FEZ2: variants seen among roughly 807,000 people sequenced by gnomAD.
FEZ2 encodes the protein fasciculation and elongation protein zeta-2.
In FEZ2, 51 loss-of-function variants were observed where a neutral mutation model predicts 40.4. That is an observed-to-expected ratio of 1.26 (90% CI 1.01 to 1.59). The LOEUF (loss-of-function observed/expected upper bound fraction) is 1.59. Ranked by LOEUF, FEZ2 falls within the 40% of genes most tolerant of loss-of-function variation. The pLI is 0.00. For missense variants in FEZ2, 640 were observed against 438.3 expected, an observed-to-expected ratio of 1.46 and a Z score of -4.11; for synonymous variants, 242 against 172.0, an observed-to-expected ratio of 1.41 and a Z score of -3.18.
At chr2:36,580,071 C>A (rs946595022) in intron 4 of FEZ2, among the ~76,000 whole-genome samples, 10 of 152,178 alleles carry the variant, frequency 6.6e-5, no homozygotes, top group African/African-American at 1.9e-4. Context: ...ACCAAACCTG[C>A]CAACACCTTC....
chr2:36,567,899 T>A (rs1573008441), intron 5 of FEZ2, among the ~76,000 whole-genome samples: 1 of 152,186 alleles, frequency 6.6e-6, no homozygotes, highest in Middle Eastern at 3.2e-3. Flanking sequence ...ACGAGCTGTG[T>A]AGAGCATACT....
In FEZ2 at chr2:36,597,907, A is replaced by C. The variant is rs974615055; in HGVS notation, c.236T>G (p.Ile79Ser). 2.1e-6 allele frequency: 3 copies of C among 1,409,070 alleles called. No individual in the cohort carries two copies. Among genetic ancestry groups the C allele is most frequent in the East Asian group, 6.1e-5 (2 of 32,954 alleles). 87.3% of individuals were successfully genotyped at this position (1,409,070 alleles called of 1,614,324 possible). The change falls in exon 1 of 8, where the codon ATC (isoleucine) becomes AGC (serine). Residue 79 changes from isoleucine (I) to serine (S), a missense_variant. Physicochemically the swap from Ile to Ser is moderately radical, Grantham distance 142. Transcript: ENST00000405912. ...AEPPRTAVRP[I>S]TERSLLQGDE... is the part of the protein sequence containing the mutation. The stretch of plus-strand genomic sequence containing the variant: ...CCCCTGCAGGAGGCTGCGCTCCGTG[A>C]TGGGCCGCACGGCCGTCCTCGGGGG...
rs201880256 is a variant in FEZ2, at chr2:36,558,473, G to C, written c.944C>G (p.Pro315Arg). The change falls in exon 6 of 8, where the codon CCA (proline) becomes CGA (arginine). Residue 315 changes from proline to arginine, a missense_variant. Coordinates refer to ENST00000405912, the MANE Select transcript of FEZ2 (RefSeq NM_005102.3). ...TVIPYEKKNG[P>R]PSVEDLQILT... ...TATTTGAAGATCTTCAACAGACGGT[G>C]GTCCGTTTTTTTTCTCATAAGGAAT... 1,588 of 1,524,238 alleles carry C rather than the reference G, an allele frequency of 1.0e-3. 1 individual carries two copies. Among genetic ancestry groups the C allele is most frequent in the Non-Finnish European group, 1.3e-3 (1,433 of 1,131,870 alleles). The allele number at this position is 1,524,238 out of a possible 1,614,324, so 94.4% of individuals were successfully genotyped here. A position where few individuals can be genotyped will look rare whatever the true frequency, so the allele number is the denominator to read the frequency against.
In FEZ2 at chr2:36,555,707, A is replaced by G; in HGVS notation, c.1021T>C (p.Leu341=). 2 of 1,598,382 alleles carry G rather than the reference A, an allele frequency of 1.3e-6. No individual in the cohort carries two copies. Among genetic ancestry groups the G allele is most frequent in the South Asian group, 1.1e-5 (1 of 88,516 alleles). The change falls in exon 7 of 8, where the codon TTG becomes CTG. Residue 341 remains leucine (L), a synonymous_variant. Transcript: ENST00000405912. ...CCTTTCAGAATATAATCAGTTAACAAGCTCGGAACTTTTTCACTGTCCTCC... is the reference window on the plus strand; with the variant it reads ...CCTTTCAGAATATAATCAGTTAACAGGCTCGGAACTTTTTCACTGTCCTCC... The part of the protein sequence containing the change: ...MKEDSEKVPS[L]LTDYILKVLC...
rs754499390 is a variant in FEZ2, at chr2:36,558,470, G to A, written c.947C>T (p.Pro316Leu). The A allele has an allele frequency of 6.6e-6, 10 of 1,526,342 alleles. No individual in the cohort carries two copies. The highest frequency in any genetic ancestry group is 6.2e-5 in the Admixed American group (3 of 48,474). 94.5% of individuals were successfully genotyped at this position (1,526,342 alleles called of 1,614,324 possible). Reference protein sequence around the residue: ...VIPYEKKNGPPSVEDLQILTK... With the variant: ...VIPYEKKNGPLSVEDLQILTK... ...TAATATTTGAAGATCTTCAACAGACGGTGGTCCGTTTTTTTTCTCATAAGG... is the reference window on the plus strand; with the variant it reads ...TAATATTTGAAGATCTTCAACAGACAGTGGTCCGTTTTTTTTCTCATAAGG... Residue 316 changes from proline (P) to leucine (L), a missense_variant, in exon 6 of 8, where the codon CCG (proline) becomes CTG (leucine). Transcript: ENST00000405912.
chr2:36,584,576 C>A (rs770977556), intron 2 of FEZ2, among the ~76,000 whole-genome samples: 10 of 152,162 alleles, frequency 6.6e-5, no homozygotes, highest in Admixed American at 1.3e-4. Flanking sequence ...GAACTCTATT[C>A]CTCAGGAAGG....
chr2:36,560,031 C>T (rs1668052568), intron 5 of FEZ2, among the ~76,000 whole-genome samples: 2 of 152,164 alleles, frequency 1.3e-5, no homozygotes, highest in South Asian at 2.1e-4. Flanking sequence ...TTTTGTACAC[C>T]TTCTTAATCT....
chr2:36,566,270 G>C (rs2125225036), intron 5 of FEZ2, among the ~76,000 whole-genome samples: 1 of 151,980 alleles, frequency 6.6e-6, no homozygotes, highest in East Asian at 1.9e-4. Flanking sequence ...AATCCGGGAG[G>C]CGGAGCTTGC....
chr2:36,559,798 T>C (rs1258816570), intron 5 of FEZ2, among the ~76,000 whole-genome samples: 4 of 152,212 alleles, frequency 2.6e-5, no homozygotes, highest in Non-Finnish European at 4.4e-5. Flanking sequence ...GTCTGGAAGA[T>C]TCCTTGTCTT....
chr2:36,569,416 G>A (rs1214606330), intron 5 of FEZ2, among the ~76,000 whole-genome samples: 2 of 150,988 alleles, frequency 1.3e-5, no homozygotes, highest in Non-Finnish European at 2.9e-5. Context: ...TAGCTGATAG[G>A]ACTGAAAACA....
chr2:36,568,134 T>TGAA (rs1668299612), intron 5 of FEZ2, among the ~76,000 whole-genome samples: 1 of 152,004 alleles, frequency 6.6e-6, no homozygotes, highest in African/African-American at 2.4e-5. Context: ...TTCTCTATGC[T>TGAA]TAAATTTTAT....
chr2:36,596,760 G>C (rs1217557299), intron 1 of FEZ2, among the ~76,000 whole-genome samples: 1 of 152,020 alleles, frequency 6.6e-6, no homozygotes, highest in Non-Finnish European at 1.5e-5. Flanking sequence ...GAGCCACCGC[G>C]CCCAATCTTA....
chr2:36,576,452 G>C lies in FEZ2; in HGVS notation c.903+2145C>G, dbSNP rs148513459. On this transcript the variant is annotated intron_variant, in intron 5 of 7. Transcript: ENST00000405912. ...GCCCAACTAATTTTTGTATTTTTTA[G>C]TAGAAACGGAGTTTCACCATGTTGG... Among the ~76,000 whole-genome samples, 9 of 152,166 alleles carry C rather than the reference G, an allele frequency of 5.9e-5. No homozygotes were observed. In the East Asian group the frequency reaches 1.7e-3, roughly 29 times the overall value.
intron 5 of FEZ2, among the ~76,000 whole-genome samples, chr2:36,562,027 G>C (rs1668106553): frequency 6.6e-6 from 1 of 152,132 alleles, no homozygotes; most frequent in South Asian, 2.1e-4. Context: ...TAAAATATAA[G>C]TTGTCTTTTT....
intron 6 of FEZ2, chr2:36,556,886 C>G (rs1048933594): frequency 2.6e-5 from 4 of 152,214 alleles, no homozygotes; most frequent in African/African-American, 9.7e-5. Flanking sequence ...CTGTGACTGT[C>G]TCCACAGGGC....
At chr2:36,580,000 A>G (rs956958884) in intron 4 of FEZ2, among the ~76,000 whole-genome samples, 3 of 152,190 alleles carry the variant, frequency 2.0e-5, no homozygotes, top group Non-Finnish European at 2.9e-5. Flanking sequence ...TAGGAAGACC[A>G]CGTGAAGACA....
At chr2:36,554,257 A>T (rs1474770111) in intron 7 of FEZ2, 1 of 471,154 alleles carries the variant, frequency 2.1e-6, no homozygotes, top group South Asian at 1.5e-5. Context: ...GTTCACAATT[A>T]TAGTCCTAGG....
At chr2:36,566,326 C>A (rs374605735) in intron 5 of FEZ2, among the ~76,000 whole-genome samples, 5 of 139,284 alleles carry the variant, frequency 3.6e-5, no homozygotes, top group African/African-American at 1.1e-4. Context: ...GACGACAGAG[C>A]GAGACTCCGT....
intron 1 of FEZ2, among the ~76,000 whole-genome samples, chr2:36,595,554 C>G (rs535305617): frequency 6.6e-6 from 1 of 152,132 alleles, no homozygotes; most frequent in Non-Finnish European, 1.5e-5. Flanking sequence ...TGCTCACTCA[C>G]TCAGCCACTC....
Sources: gnomAD v4.1 joint callset for allele counts (sites outside exome capture counted in the v4.1 genomes callset) on GRCh38, gnomAD v4.1.1 for gene constraint, MANE v1.5 for transcripts, NCBI Gene and HGNC (gene_info 2026-07-23, HGNC 2026-07-21) for gene names.